DLG2: variants seen among roughly 807,000 people sequenced by gnomAD.
DLG2 encodes the protein discs large MAGUK scaffold protein 2.
Under a neutral mutation model 132.5 loss-of-function variants are expected in DLG2, and 45 were observed. That is an observed-to-expected ratio of 0.34 (90% CI 0.27 to 0.44). The LOEUF is 0.44. Among genes scored for constraint, DLG2 ranks in the 20% least tolerant of loss-of-function variants. The probability of loss-of-function intolerance (pLI) is 1.00; values close to 1 mark genes in which losing one functional copy is unlikely to be tolerated. For synonymous variants in DLG2, 424 were observed against 419.6 expected (o/e 1.01, Z -0.13); for missense variants, 1,045 against 1,196.9 (o/e 0.87, Z 1.87).
chr11:83,777,661 G>C (rs2094637323), intron 18 of DLG2, among the ~76,000 whole-genome samples: 2 of 152,254 alleles, frequency 1.3e-5, no homozygotes, highest in South Asian at 4.2e-4. Context: ...GCTTCTACTT[G>C]AATTAAACTT....
intron 6 of DLG2, among the ~76,000 whole-genome samples, chr11:85,067,019 A>G (rs184512444): frequency 5.9e-5 from 9 of 151,922 alleles, no homozygotes; most frequent in Admixed American, 5.9e-4. Flanking sequence ...ATGTGCCTAT[A>G]TCTAGAAGAC....
intron 3 of DLG2, among the ~76,000 whole-genome samples, chr11:85,475,689 C>A (rs981703948): frequency 2.0e-5 from 3 of 152,084 alleles, no homozygotes; most frequent in Non-Finnish European, 2.9e-5. Flanking sequence ...TTCTTTACAA[C>A]AACGTCTGAT....
chr11:85,107,691 G>C (rs1344959892), intron 6 of DLG2, among the ~76,000 whole-genome samples: 1 of 151,842 alleles, frequency 6.6e-6, no homozygotes, highest in African/African-American at 2.4e-5. Flanking sequence ...AACCAATGAG[G>C]CATATAATCA....
At chr11:85,017,173 C>G (rs923406020) in intron 6 of DLG2, among the ~76,000 whole-genome samples, 5 of 152,122 alleles carry the variant, frequency 3.3e-5, no homozygotes, top group African/African-American at 1.2e-4. Flanking sequence ...ACATCTTCCT[C>G]TTTCCTAAAT....
chr11:85,594,363 G>T (rs941700759), intron 3 of DLG2, among the ~76,000 whole-genome samples: 2 of 152,174 alleles, frequency 1.3e-5, no homozygotes, highest in African/African-American at 2.4e-5. Flanking sequence ...AGGTTTAACT[G>T]CCTCCATTAA....
chr11:85,344,640 A>G (rs1032171433), intron 3 of DLG2, among the ~76,000 whole-genome samples: 2 of 152,174 alleles, frequency 1.3e-5, no homozygotes, highest in African/African-American at 4.8e-5. Flanking sequence ...GACACTATAC[A>G]AAGTATAGTG....
chr11:85,042,414 T>C (rs2061954003), intron 6 of DLG2, among the ~76,000 whole-genome samples: 1 of 152,044 alleles, frequency 6.6e-6, no homozygotes, highest in Non-Finnish European at 1.5e-5. Flanking sequence ...TGTTTTTACA[T>C]AGATTATCTT....
chr11:83,866,440 C>T (rs560333934), intron 16 of DLG2, among the ~76,000 whole-genome samples: 57 of 152,100 alleles, frequency 3.7e-4, no homozygotes, highest in African/African-American at 1.2e-3. Flanking sequence ...TTTTGCTCCT[C>T]GTTGGTTAAT....
intron 8 of DLG2, among the ~76,000 whole-genome samples, chr11:84,206,831 T>A (rs1027644869): frequency 5.3e-5 from 8 of 151,946 alleles, no homozygotes; most frequent in Non-Finnish European, 1.0e-4. Flanking sequence ...TGTTTGCAGA[T>A]GACACAACTT....
intron 12 of DLG2, among the ~76,000 whole-genome samples, chr11:83,969,018 T>C (rs1168498762): frequency 1.3e-5 from 2 of 152,226 alleles, no homozygotes; most frequent in Non-Finnish European, 2.9e-5. Flanking sequence ...TTGCATGCCA[T>C]ATATTTTAGG....
chr11:85,487,290 C>T (rs2093450354), intron 3 of DLG2, among the ~76,000 whole-genome samples: 1 of 151,458 alleles, frequency 6.6e-6, no homozygotes. Context: ...ATCAAAGGAA[C>T]ACAACAATTC....
chr11:84,955,192 C>G (rs1280676485), intron 6 of DLG2: 1 of 152,178 alleles, frequency 6.6e-6, no homozygotes, highest in Non-Finnish European at 1.5e-5. Flanking sequence ...CAGTATTTTA[C>G]CCAAAGCCTG....
chr11:85,325,790 G>A lies in DLG2; in HGVS notation c.41-40425C>T, dbSNP rs941931839. 7.9e-5 allele frequency among the ~76,000 whole-genome samples: 2 copies of A among 25,274 alleles called. 1 individual carries two copies. Among genetic ancestry groups the A allele is most frequent in the African/African-American group, 2.2e-4 (2 of 9,002 alleles). The allele number at this position is 25,274 out of a possible 152,430, so 16.6% of individuals were successfully genotyped here. Reference sequence around the variant, plus strand: ...GGATGGAGAATTATTTTGACGAGCTGAGAGAAGAAGGCTTCAGATGATCAA... The same window carrying A: ...GGATGGAGAATTATTTTGACGAGCTAAGAGAAGAAGGCTTCAGATGATCAA... On this transcript the variant is annotated intron_variant, in intron 3 of 27. Transcript: ENST00000376104.
At chr11:84,269,526 T>G (rs534660478) in intron 7 of DLG2, among the ~76,000 whole-genome samples, 1 of 152,300 alleles carries the variant, frequency 6.6e-6, no homozygotes, top group Admixed American at 6.5e-5. Flanking sequence ...ATACTCTACA[T>G]TTTGCATATG....
chr11:84,268,948 G>T (rs896941696), intron 7 of DLG2, among the ~76,000 whole-genome samples: 1 of 152,150 alleles, frequency 6.6e-6, no homozygotes, highest in Non-Finnish European at 1.5e-5. Context: ...AGGATGTGTT[G>T]TTTGCTGGAT....
chr11:84,631,467 T>G (rs936327693), intron 6 of DLG2, among the ~76,000 whole-genome samples: 4 of 152,070 alleles, frequency 2.6e-5, no homozygotes, highest in African/African-American at 9.7e-5. Context: ...AAACACACAA[T>G]AGCAATACAA....
intron 6 of DLG2, among the ~76,000 whole-genome samples, chr11:84,755,627 G>T (rs1197891889): frequency 2.0e-5 from 3 of 152,204 alleles, no homozygotes; most frequent in African/African-American, 7.2e-5. Flanking sequence ...GTTACACCGT[G>T]TTAGCCAGGA....
chr11:84,382,558 C>T (rs546360210), intron 7 of DLG2, among the ~76,000 whole-genome samples: 1 of 152,240 alleles, frequency 6.6e-6, no homozygotes, highest in East Asian at 1.9e-4. Context: ...AGGTAGTGAT[C>T]AGTTATCCAT....
chr11:84,142,099 C>A (rs1260843224), intron 9 of DLG2, among the ~76,000 whole-genome samples: 1 of 151,822 alleles, frequency 6.6e-6, no homozygotes, highest in African/African-American at 2.4e-5. Flanking sequence ...GTCAAGAGAT[C>A]GAGACCATCC....
Sources: allele counts gnomAD v4.1 joint callset (sites outside exome capture counted in the v4.1 genomes callset), GRCh38; gene constraint gnomAD v4.1.1; transcripts MANE v1.5; gene names NCBI Gene and HGNC (gene_info 2026-07-23, HGNC 2026-07-21).